PLEKHM3: variants seen among roughly 807,000 people sequenced by gnomAD.
The protein encoded by PLEKHM3 is pleckstrin homology domain-containing family M member 3.
PLEKHM3 carries 45 observed loss-of-function variants against 81.8 expected under a neutral mutation model. The ratio of observed to expected loss-of-function variants is 0.55; its 90% CI spans 0.43 to 0.71. The LOEUF is 0.71. Among genes scored for constraint, PLEKHM3 ranks in the 30% least tolerant of loss-of-function variants. PLEKHM3 has a pLI of 0.00. For synonymous variants in PLEKHM3, 352 were observed against 356.4 expected (o/e 0.99, Z 0.14); for missense variants, 788 against 924.3 (o/e 0.85, Z 1.91).
chr2:207,959,670 T>C (rs1559257214), intron 3 of PLEKHM3, among the ~76,000 whole-genome samples: 1 of 152,182 alleles, frequency 6.6e-6, no homozygotes, highest in East Asian at 1.9e-4. Flanking sequence ...ACCTGTCCTC[T>C]CCTTTGCTAA....
At chr2:207,899,696 T>G (rs1688354141) in intron 6 of PLEKHM3, among the ~76,000 whole-genome samples, 1 of 152,234 alleles carries the variant, frequency 6.6e-6, no homozygotes, top group Admixed American at 6.5e-5. Context: ...GTTTTACTCA[T>G]TCTACGAATG....
intron 7 of PLEKHM3, among the ~76,000 whole-genome samples, chr2:207,850,536 TG>T (rs2092406786): frequency 6.6e-6 from 1 of 152,244 alleles, no homozygotes; most frequent in Non-Finnish European, 1.5e-5. Context: ...AAATGCATGC[TG>T]AGGGTTTTTA....
intron 5 of PLEKHM3, among the ~76,000 whole-genome samples, chr2:207,914,917 C>A (rs1023801793): frequency 2.0e-5 from 3 of 152,152 alleles, no homozygotes; most frequent in Non-Finnish European, 4.4e-5. Context: ...CTGCAGTGGG[C>A]AGCCCTGCTT....
At chr2:208,024,370 T>C (rs1219848181) in intron 1 of PLEKHM3, among the ~76,000 whole-genome samples, 1 of 152,154 alleles carries the variant, frequency 6.6e-6, no homozygotes, top group Non-Finnish European at 1.5e-5. Flanking sequence ...ATATTCATTG[T>C]AAAGAAAAAC....
At chr2:207,878,820 GTTTTTTTTATTTTTA>G (rs2092571857) in intron 6 of PLEKHM3, among the ~76,000 whole-genome samples, 1 of 151,818 alleles carries the variant, frequency 6.6e-6, no homozygotes, top group Non-Finnish European at 1.5e-5. Context: ...CTAGAGCTGG[GTTTTTTTTATTTTTA>G]TTTTTTTTAT....
chr2:207,908,378 C>CA (rs1228063866), intron 6 of PLEKHM3, 136 bp downstream of exon 6: 1 of 823,202 alleles, frequency 1.2e-6, no homozygotes, highest in Admixed American at 2.6e-5. Flanking sequence ...GTTTTCCCCC[C>CA]ATTCTGAAAA....
chr2:207,954,761 C>T (rs1303617522), intron 3 of PLEKHM3, among the ~76,000 whole-genome samples: 1 of 152,090 alleles, frequency 6.6e-6, no homozygotes. Flanking sequence ...GCTAGAGGTA[C>T]TATATTTAAA....
At chr2:208,024,538 G>T (rs1420292858) in intron 1 of PLEKHM3, among the ~76,000 whole-genome samples, 2 of 152,192 alleles carry the variant, frequency 1.3e-5, no homozygotes, top group East Asian at 3.9e-4. Flanking sequence ...TTTTGTTAAG[G>T]CATTTTCTTG....
At chr2:207,857,245 GTTACATC>G (rs1024298401) in intron 7 of PLEKHM3, among the ~76,000 whole-genome samples, 5 of 152,108 alleles carry the variant, frequency 3.3e-5, no homozygotes, top group Admixed American at 3.3e-4. Flanking sequence ...ATTAAGGATT[GTTACATC>G]TTTTTGGAGA....
At chr2:208,013,250 G>T (rs1197227752) in intron 1 of PLEKHM3, among the ~76,000 whole-genome samples, 1 of 152,214 alleles carries the variant, frequency 6.6e-6, no homozygotes, top group Non-Finnish European at 1.5e-5. Context: ...AGGCATGGTG[G>T]CTCATGCCTA....
At chr2:207,844,327 G>A (rs1225983533) in intron 7 of PLEKHM3, among the ~76,000 whole-genome samples, 1 of 146,618 alleles carries the variant, frequency 6.8e-6, no homozygotes, top group African/African-American at 2.5e-5. Flanking sequence ...TTTTGAGACG[G>A]AGTCTCGCTC....
intron 2 of PLEKHM3, among the ~76,000 whole-genome samples, chr2:207,982,344 A>G (rs1432853112): frequency 1.3e-5 from 2 of 150,934 alleles, no homozygotes; most frequent in African/African-American, 4.9e-5. Context: ...AACATAGCTC[A>G]CTGCAGCTTT....
At chr2:207,937,432 T>C (rs1689792352) in intron 4 of PLEKHM3, among the ~76,000 whole-genome samples, 2 of 152,086 alleles carry the variant, frequency 1.3e-5, no homozygotes, top group South Asian at 4.1e-4. Flanking sequence ...TAGCCAGGTG[T>C]AGTGGCGTGC....
intron 4 of PLEKHM3, among the ~76,000 whole-genome samples, chr2:207,940,631 G>C (rs1689908098): frequency 6.6e-6 from 1 of 152,246 alleles, no homozygotes; most frequent in Admixed American, 6.5e-5. Context: ...ATAACAGGTA[G>C]AGGTTTTAAC....
chr2:207,944,480 C>T (rs1033922211), intron 4 of PLEKHM3, among the ~76,000 whole-genome samples: 3 of 152,072 alleles, frequency 2.0e-5, no homozygotes, highest in Admixed American at 6.6e-5. Flanking sequence ...AGGATAGATG[C>T]GGATGTAGGC....
chr2:207,911,131 C>T (rs1361330036), intron 5 of PLEKHM3, among the ~76,000 whole-genome samples: 1 of 152,020 alleles, frequency 6.6e-6, no homozygotes. Flanking sequence ...GAGCACAGAG[C>T]AGACAGCTGA....
chr2:207,994,224 C>A (rs191194376), intron 2 of PLEKHM3, among the ~76,000 whole-genome samples: 2 of 152,118 alleles, frequency 1.3e-5, no homozygotes, highest in Admixed American at 1.3e-4. Context: ...TATAAGTGTG[C>A]GTGTGTATAA....
At chr2:207,916,517 A>G (rs992128584) in intron 5 of PLEKHM3, among the ~76,000 whole-genome samples, 18 of 152,246 alleles carry the variant, frequency 1.2e-4, no homozygotes, top group African/African-American at 3.9e-4. Flanking sequence ...AGGTAGATAG[A>G]TCACCTGAGG....
chr2:207,992,520 C>CAAAACATCACTATTCTGTCCTGATTTT (rs1691932100), intron 2 of PLEKHM3, among the ~76,000 whole-genome samples: 1 of 152,048 alleles, frequency 6.6e-6, no homozygotes, highest in Non-Finnish European at 1.5e-5. Context: ...GAATAAAAAA[C>CAAAACATCACTATTCTGTCCTGATTTT]AAAACATCAC....
Sources: gnomAD v4.1 joint callset for allele counts (sites outside exome capture counted in the v4.1 genomes callset) on GRCh38, gnomAD v4.1.1 for gene constraint, MANE v1.5 for transcripts, NCBI Gene and HGNC (gene_info 2026-07-23, HGNC 2026-07-21) for gene names.